Variants in RNF150 observed in about 807,000 individuals in gnomAD.
RNF150 encodes ring finger protein 150.
In RNF150, 24 loss-of-function variants were observed where a neutral mutation model predicts 39.3. The ratio of observed to expected loss-of-function variants is 0.61; its 90% CI spans 0.44 to 0.86. The LOEUF (loss-of-function observed/expected upper bound fraction) is 0.86, where lower values mean the gene tolerates loss of function less well. Ranked by LOEUF, RNF150 falls within the 40% of genes least tolerant of loss-of-function variation. The probability of loss-of-function intolerance (pLI) is 0.00; values close to 1 mark genes in which losing one functional copy is unlikely to be tolerated. For synonymous variants in RNF150, 255 were observed against 227.3 expected, an observed-to-expected ratio of 1.12 and a Z score of -1.10; for missense variants, 502 against 587.8, an observed-to-expected ratio of 0.85 and a Z score of 1.51.
In RNF150 at chr4:141,070,338, A is replaced by G. The variant is rs1578693448; in HGVS notation, c.484+61987T>C. On this transcript the variant is annotated intron_variant, in intron 1 of 6. Coordinates refer to ENST00000515673, the MANE Select transcript of RNF150 (RefSeq NM_020724.2). ...AGGCATGGGCAAGGACTTCATGTCT[A>G]AAACACCAAAAGCAATGGCAACAAA... Among the ~76,000 whole-genome samples, 7 of 151,906 alleles carry G rather than the reference A, an allele frequency of 4.6e-5. No individual in the cohort carries two copies. The East Asian group carries it at 1.4e-3, about 29-fold the overall frequency.
chr4:141,165,546 A>G (rs1050721269), intron 1 of RNF150, among the ~76,000 whole-genome samples: 2 of 152,208 alleles, frequency 1.3e-5, no homozygotes, highest in African/African-American at 4.8e-5. Flanking sequence ...ACATAATTGG[A>G]ACTAAAATGC....
chr4:140,979,236 T>A (rs1299330113), intron 1 of RNF150, among the ~76,000 whole-genome samples: 1 of 152,186 alleles, frequency 6.6e-6, no homozygotes, highest in Non-Finnish European at 1.5e-5. Context: ...AAGGTTCAAC[T>A]GTACATGTAA....
At chr4:140,870,854 C>CT (rs923395628) in intron 6 of RNF150, among the ~76,000 whole-genome samples, 3 of 143,366 alleles carry the variant, frequency 2.1e-5, no homozygotes, top group Admixed American at 6.9e-5. Flanking sequence ...CGTGCTCTGT[C>CT]TTTAAAAAAA....
At chr4:140,945,238 G>A (rs903119040) in intron 4 of RNF150, among the ~76,000 whole-genome samples, 1 of 151,820 alleles carries the variant, frequency 6.6e-6, no homozygotes, top group East Asian at 1.9e-4. Context: ...CAAGAGCAAG[G>A]GCTAATGTAC....
intron 1 of RNF150, among the ~76,000 whole-genome samples, chr4:141,027,923 TTTG>T (rs1250862076): frequency 0.1 from 3,935 of 38,850 alleles, 650 homozygotes; most frequent in East Asian, 0.25. Context: ...TTTTTTTTTT[TTTG>T]TTTTTTTTTT....
intron 1 of RNF150, among the ~76,000 whole-genome samples, chr4:141,123,711 C>T (rs948393817): frequency 2.6e-5 from 4 of 152,138 alleles, no homozygotes; most frequent in Admixed American, 2.0e-4. Flanking sequence ...ACCGCCCAAC[C>T]CCACAACAGG....
upstream of RNF150, among the ~76,000 whole-genome samples, chr4:141,136,779 T>C (rs1420897788): frequency 2.6e-5 from 4 of 152,220 alleles, no homozygotes; most frequent in Non-Finnish European, 2.9e-5. Context: ...AACAGAAATT[T>C]CTAAAAAGCT....
chr4:141,204,945 A>G (rs1369269527), intron 1 of RNF150, among the ~76,000 whole-genome samples: 2 of 152,190 alleles, frequency 1.3e-5, no homozygotes, highest in Admixed American at 1.3e-4. Context: ...AATTTTGTCA[A>G]GATCATCTAT....
intron 1 of RNF150, among the ~76,000 whole-genome samples, chr4:140,992,244 G>A (rs1457165105): frequency 6.6e-6 from 1 of 152,034 alleles, no homozygotes; most frequent in Non-Finnish European, 1.5e-5. Context: ...GCTTATGCCT[G>A]TAATGCACCC....
At chr4:141,173,417 A>C (rs575529368) in intron 1 of RNF150, among the ~76,000 whole-genome samples, 1 of 152,340 alleles carries the variant, frequency 6.6e-6, no homozygotes, top group East Asian at 1.9e-4. Context: ...GTACTTCACT[A>C]ACATTATTTC....
At chr4:140,981,080 G>A (rs1579024469) in intron 1 of RNF150, among the ~76,000 whole-genome samples, 1 of 152,196 alleles carries the variant, frequency 6.6e-6, no homozygotes, top group African/African-American at 2.4e-5. Flanking sequence ...GCCAATTAAA[G>A]TTTACTATTT....
At position 141,069,999 on chromosome 4, in the gene RNF150, CA is replaced by C. The variant is rs1344297668; in HGVS notation, c.484+62325del. ...GGTCTATCAATTTTGTTGATCCTTT[CA>C]AAAAAACCAGCTCCTGGATTCATTG... On this transcript the variant is annotated intron_variant, in intron 1 of 6. Coordinates refer to ENST00000515673, the MANE Select transcript of RNF150 (RefSeq NM_020724.2). Among the ~76,000 whole-genome samples the C allele has an allele frequency of 1.5e-4, 23 of 151,920 alleles. No individual in the cohort carries two copies. The East Asian group carries it at 3.9e-3, about 26-fold the overall frequency.
At chr4:140,887,195 G>A (rs1471924643) in intron 6 of RNF150, among the ~76,000 whole-genome samples, 1 of 152,198 alleles carries the variant, frequency 6.6e-6, no homozygotes, top group African/African-American at 2.4e-5. Context: ...TGTATGATAT[G>A]ATGTTGATAC....
chr4:140,951,245 G>A (rs1436710925), intron 2 of RNF150, among the ~76,000 whole-genome samples: 1 of 152,066 alleles, frequency 6.6e-6, no homozygotes, highest in Non-Finnish European at 1.5e-5. Flanking sequence ...CCTCAGATAT[G>A]CTCCCTGAGG....
chr4:141,207,294 C>A (rs552986491), intron 1 of RNF150, among the ~76,000 whole-genome samples: 21 of 152,168 alleles, frequency 1.4e-4, no homozygotes, highest in Non-Finnish European at 2.4e-4. Flanking sequence ...TATCTGGGCC[C>A]AATCTAATTG....
intron 1 of RNF150, among the ~76,000 whole-genome samples, chr4:141,123,772 A>T (rs1417695227): frequency 1.3e-5 from 2 of 152,062 alleles, no homozygotes; most frequent in Non-Finnish European, 2.9e-5. Context: ...TCATTGTTCA[A>T]TTCCCACCTA....
intron 1 of RNF150, among the ~76,000 whole-genome samples, chr4:141,003,894 G>A (rs1734765698): frequency 6.6e-6 from 1 of 152,106 alleles, no homozygotes; most frequent in East Asian, 1.9e-4. Flanking sequence ...AGTACCAGCA[G>A]CTAAGATTTC....
At chr4:140,971,084 A>C (rs934327808) in intron 1 of RNF150, among the ~76,000 whole-genome samples, 1 of 152,164 alleles carries the variant, frequency 6.6e-6, no homozygotes, top group Non-Finnish European at 1.5e-5. Context: ...CACAAAATCC[A>C]GGGCAAAATG....
At chr4:141,093,103 A>G (rs1306190472) in intron 1 of RNF150, among the ~76,000 whole-genome samples, 1 of 152,186 alleles carries the variant, frequency 6.6e-6, no homozygotes, top group East Asian at 1.9e-4. Flanking sequence ...GCGGCGGCTC[A>G]TGCCTGTAAT....
Sources: gnomAD v4.1 joint callset for allele counts (sites outside exome capture counted in the v4.1 genomes callset) on GRCh38, gnomAD v4.1.1 for gene constraint, MANE v1.5 for transcripts, NCBI Gene and HGNC (gene_info 2026-07-23, HGNC 2026-07-21) for gene names.